The following PTPRH variants were observed in gnomAD, a reference collection of about 807,000 sequenced individuals.
PTPRH encodes the protein receptor-type tyrosine-protein phosphatase H.
Under a neutral mutation model 130.2 loss-of-function variants are expected in PTPRH, and 113 were observed. That is an observed-to-expected ratio of 0.87 (90% CI 0.75 to 1.01). The LOEUF (loss-of-function observed/expected upper bound fraction) is 1.01. Among genes scored for constraint, PTPRH ranks in the 50% least tolerant of loss-of-function variants. The pLI is 0.00. For synonymous variants in PTPRH, 556 were observed against 577.9 expected, an observed-to-expected ratio of 0.96 and a Z score of 0.54; for missense variants, 1,430 against 1,425.0, an observed-to-expected ratio of 1.00 and a Z score of -0.06.
At chr19:55,191,931 T>A (rs2086552520) in intron 10 of PTPRH, 190 bp from the exon 11 acceptor site, 5 of 680,430 alleles carry the variant, frequency 7.3e-6, no homozygotes, top group Non-Finnish European at 1.3e-5. Context: ...CCTCCACCCC[T>A]GAGACAGCAA....
At chr19:55,202,977 G>T (rs1382726978) in intron 5 of PTPRH, among the ~76,000 whole-genome samples, 7 of 150,192 alleles carry the variant, frequency 4.7e-5, no homozygotes, top group Non-Finnish European at 3.0e-5. Flanking sequence ...GGTGGAGGTT[G>T]CAGTGAGTCA....
At chr19:55,205,874 G>T (rs1012668841) in intron 3 of PTPRH, among the ~76,000 whole-genome samples, 10 of 152,200 alleles carry the variant, frequency 6.6e-5, no homozygotes, top group African/African-American at 2.2e-4. Flanking sequence ...TTGTGTGTGT[G>T]TGAGTATATA....
In PTPRH at chr19:55,181,617, G is replaced by A. The variant is rs2086172517; in HGVS notation, c.*137C>T. The A allele has an allele frequency of 1.6e-6, 2 of 1,242,632 alleles. No individual in the cohort carries two copies. Among genetic ancestry groups the A allele is most frequent in the East Asian group, 4.7e-5 (2 of 42,886 alleles). The allele number at this position is 1,242,632 out of a possible 1,614,324, so 77.0% of individuals were successfully genotyped here. On this transcript the variant is annotated 3_prime_UTR_variant, in exon 20 of 20. Transcript: ENST00000376350. ...ACCACTCTCTCCTGGGGAAACCAGA[G>A]TTTGGGATACCAGCCCCCTCCTCCC...
In PTPRH at chr19:55,186,315, C is replaced by A; in HGVS notation, c.2688G>T (p.Leu896=). The A allele has an allele frequency of 6.2e-7, 1 of 1,614,044 alleles. No homozygotes were observed. Among genetic ancestry groups the A allele is most frequent in the South Asian group, 1.1e-5 (1 of 91,088 alleles). ...PQEFIATQGP[L]PQTVGDFWRL... ...GCCAGAAGTCACCCACTGTCTGTGGCAGGGGACCCTGGGTTGCAATGAACT... is the reference window on the plus strand; with the variant it reads ...GCCAGAAGTCACCCACTGTCTGTGGAAGGGGACCCTGGGTTGCAATGAACT... The change falls in exon 16 of 20, where the codon CTG becomes CTT. Residue 896 remains leucine, a synonymous_variant. Transcript: ENST00000376350.
intron 14 of PTPRH, 125 bp downstream of exon 14, chr19:55,187,386 GAA>G (rs929088425): frequency 5.9e-6 from 2 of 338,354 alleles, no homozygotes; most frequent in Non-Finnish European, 1.0e-5. Flanking sequence ...AAAAAAGGAA[GAA>G]AAAAAAAAGG....
chr19:55,183,507 G>T (rs544701549), intron 18 of PTPRH, among the ~76,000 whole-genome samples: 21 of 151,546 alleles, frequency 1.4e-4, no homozygotes, highest in Non-Finnish European at 1.2e-4. Context: ...GCGGATCACC[G>T]GAGGTCAGGC....
chr19:55,203,912 T>C lies in PTPRH; in HGVS notation c.756A>G (p.Thr252=). The change falls in exon 5 of 20, where the codon ACA becomes ACG. Residue 252 remains threonine, a synonymous_variant. Transcript: ENST00000376350. ...TGGTGTCTGTTGTGTTTCGAGTCTC[T>C]GTTCTGCCACCATCTCCAGTGCACT... ...CVQCTGDGGR[T]ETRNTTDTRV... 1 of 1,614,216 alleles carries C rather than the reference T, an allele frequency of 6.2e-7. No homozygotes were observed. Among genetic ancestry groups the C allele is most frequent in the Non-Finnish European group, 8.5e-7 (1 of 1,180,040 alleles).
intron 4 of PTPRH, among the ~76,000 whole-genome samples, chr19:55,204,729 C>T (rs139649623): frequency 1.3e-4 from 20 of 152,226 alleles, no homozygotes; most frequent in African/African-American, 3.6e-4. Flanking sequence ...GCTTCTGCAA[C>T]GATGGAAATG....
chr19:55,187,046 GA>G (rs139074763), intron 14 of PTPRH, among the ~76,000 whole-genome samples: 10 of 133,852 alleles, frequency 7.5e-5, no homozygotes, highest in Admixed American at 2.3e-4. Flanking sequence ...CTGTCTCAAA[GA>G]AAAAAAAAAG....
intron 12 of PTPRH, among the ~76,000 whole-genome samples, chr19:55,190,513 AAT>A (rs1050417979): frequency 1.5e-5 from 2 of 132,534 alleles, no homozygotes; most frequent in African/African-American, 5.9e-5. Flanking sequence ...TATTATATAT[AAT>A]GTATATTTTA....
At chr19:55,186,121 T>A in intron 16 of PTPRH, 104 bp downstream of exon 16, 1 of 1,571,542 alleles carries the variant, frequency 6.4e-7, no homozygotes, top group Non-Finnish European at 8.6e-7. Context: ...ACGCCTGGGG[T>A]TACCCTGGAG....
At position 55,186,583 on chromosome 19, in the gene PTPRH, GAGGCACAGAGACAAGACCAC is replaced by G. The variant is rs765753137; in HGVS notation, c.2567-63_2567-44del. On this transcript the variant is annotated intron_variant, in intron 14 of 19. Coordinates refer to ENST00000376350, the MANE Select transcript of PTPRH (RefSeq NM_002842.5). ...CATTAGCCAGGCAGAGAGACCCAGAGAGGCACAGAGACAAGACCACAGGCAGAGAGACCCAGAGAGGCACA... is the reference window on the plus strand; with the variant it reads ...CATTAGCCAGGCAGAGAGACCCAGAGAGGCAGAGAGACCCAGAGAGGCACA... 1.2e-5 allele frequency: 19 copies of G among 1,604,212 alleles called. No individual in the cohort carries two copies. In the Admixed American group the frequency reaches 3.2e-4, roughly 27 times the overall value.
At chr19:55,187,672 G>C in intron 13 of PTPRH, 69 bp from the exon 14 acceptor site, 1 of 1,172,962 alleles carries the variant, frequency 8.5e-7, no homozygotes, top group Non-Finnish European at 1.3e-6. Flanking sequence ...GTACCCCCGA[G>C]CTCCCCTTGC....
In PTPRH at chr19:55,196,645, A is replaced by G; in HGVS notation, c.2134T>C (p.Cys712Arg). 1.2e-6 allele frequency: 2 copies of G among 1,614,008 alleles called. No homozygotes were observed. Among genetic ancestry groups the G allele is most frequent in the African/African-American group, 1.3e-5 (1 of 74,978 alleles). The change falls in exon 10 of 20, where the codon TGT becomes CGT. Residue 712 changes from cysteine to arginine, a missense_variant. Cys to Arg is a radical substitution (Grantham distance 180). Coordinates refer to ENST00000376350, the MANE Select transcript of PTPRH (RefSeq NM_002842.5). The part of the protein sequence containing the change: ...GQRGSQDRSS[C>R]GEAVSVLGLG... ...CCCAACACAGACACAGCCTCCCCAC[A>G]TGAAGATCTGTCCTGGGAGCCCCGC...
chr19:55,193,690 G>A (rs116381176), intron 10 of PTPRH, among the ~76,000 whole-genome samples: 22 of 152,280 alleles, frequency 1.4e-4, no homozygotes, highest in African/African-American at 5.3e-4. Context: ...CTGTAGTGCC[G>A]AGGCGGGGGA....
In PTPRH at chr19:55,185,613, C is replaced by T. The variant is rs1251493030; in HGVS notation, c.2951G>A (p.Trp984Ter). 4.3e-6 allele frequency: 7 copies of T among 1,614,218 alleles called. No homozygotes were observed. The highest frequency in any genetic ancestry group is 5.9e-6 in the Non-Finnish European group (7 of 1,180,044). The change falls in exon 18 of 20, where the codon TGG becomes TAG. Residue 984 changes from tryptophan (W) to a stop codon, truncating the protein, a stop_gained. Coordinates refer to ENST00000376350, the MANE Select transcript of PTPRH (RefSeq NM_002842.5). LOFTEE classifies it high-confidence loss of function. ...LSVRQFHYQA[W>*]PDHGVPSSPD... ...GGAGGAGGGAACGCCGTGATCCGGC[C>T]AGGCCTGGTAGTGGAATTGGCGCAC...
chr19:55,185,382 A>G (rs1252800347), intron 18 of PTPRH, 120 bp downstream of exon 18: 3 of 1,085,758 alleles, frequency 2.8e-6, no homozygotes, highest in Non-Finnish European at 3.9e-6. Context: ...TTCCACATCC[A>G]CCTCCTCCTT....
At chr19:55,182,984 C>T (rs982619130) in intron 18 of PTPRH, among the ~76,000 whole-genome samples, 2 of 151,456 alleles carry the variant, frequency 1.3e-5, no homozygotes, top group Non-Finnish European at 2.9e-5. Flanking sequence ...TTAATAGAGA[C>T]GGGGTCTTGC....
At chr19:55,184,306 TAAATAAAATA>T (rs148636897) in intron 18 of PTPRH, among the ~76,000 whole-genome samples, 12 of 150,308 alleles carry the variant, frequency 8.0e-5, no homozygotes, top group Non-Finnish European at 1.3e-4. Context: ...AACAAATAAA[TAAATAAAATA>T]AAATAAAATA....
Sources: gnomAD v4.1 joint callset for allele counts (sites outside exome capture counted in the v4.1 genomes callset) on GRCh38, gnomAD v4.1.1 for gene constraint, MANE v1.5 for transcripts, NCBI Gene and HGNC (gene_info 2026-07-23, HGNC 2026-07-21) for gene names.